The following RSRP1 variants were observed in gnomAD, a reference collection of about 807,000 sequenced individuals.
RSRP1 encodes arginine and serine rich protein 1.
A neutral mutation model predicts 33.0 loss-of-function variants in RSRP1; 37 were observed. The ratio of observed to expected loss-of-function variants is 1.12; its 90% CI spans 0.86 to 1.48. RSRP1 has a LOEUF of 1.48. RSRP1 is among the 40% of genes most tolerant of loss of function. The pLI is 0.00. For synonymous variants in RSRP1, 167 were observed against 158.7 expected, an observed-to-expected ratio of 1.05 and a Z score of -0.40; for missense variants, 402 against 385.3, an observed-to-expected ratio of 1.04 and a Z score of -0.36.
At position 25,323,376 on chromosome 1, in the gene RSRP1, CT is replaced by C. The variant is rs1233391704; in HGVS notation, c.-67+14601del. Among the ~76,000 whole-genome samples the C allele has an allele frequency of 6.6e-5, 7 of 105,872 alleles. 1 individual carries two copies. The highest frequency in any genetic ancestry group is 2.2e-4 in the African/African-American group (7 of 31,638). 69.5% of individuals were successfully genotyped at this position (105,872 alleles called of 152,430 possible). On this transcript the variant is annotated intron_variant, in intron 1 of 1. Coordinates refer to the RSRP1 transcript ENST00000561867. Reference sequence around the variant, plus strand: ...CACTTCCACACACTTCCTCCTGCTCCTTTGAAATTCCTCCCTCCCTACCCAC... The same window carrying C: ...CACTTCCACACACTTCCTCCTGCTCCTTGAAATTCCTCCCTCCCTACCCAC...
rs71014353 is a variant in RSRP1 at position 25,330,953 on chromosome 1, C to CTTTTTTTTT, written c.-67+7016_-67+7024dup. Among the ~76,000 whole-genome samples the CTTTTTTTTT allele has an allele frequency of 3.6e-3, 124 of 34,736 alleles. 8 individuals carry two copies. The highest frequency in any genetic ancestry group is 0.012 in the African/African-American group (121 of 10,258). The allele number at this position is 34,736 out of a possible 152,430, so 22.8% of individuals were successfully genotyped here. On this transcript the variant is annotated intron_variant, in intron 1 of 1. Transcript: ENST00000561867. ...CTTTTACACTTCTGGTGTCATCTTC[C>CTTTTTTTTT]TTTTTTTTTTTTTTTTTTTTTTTTT...
intron 1 of RSRP1, among the ~76,000 whole-genome samples, chr1:25,254,475 G>A (rs189845125): frequency 6.0e-5 from 9 of 149,984 alleles, no homozygotes; most frequent in Admixed American, 4.0e-4. Context: ...TCACTCTGTC[G>A]CCCCGGCTGG....
chr1:25,271,664 G>A (rs549800424), intron 1 of RSRP1, among the ~76,000 whole-genome samples: 1 of 132,658 alleles, frequency 7.5e-6, no homozygotes, highest in Non-Finnish European at 1.8e-5. Flanking sequence ...GAAGTTGGCT[G>A]CAGGGTTAGA....
rs1461981112 is a variant in RSRP1 at position 25,307,586 on chromosome 1, C to T, written c.-67+30392G>A. ...CATTATCTCCTTGAATTCTCACAAC[C>T]GCCTACTGAGGTATTCTCAGACTCT... On this transcript the variant is annotated intron_variant, in intron 1 of 1. Transcript: ENST00000561867. 24 of 730,650 alleles carry T rather than the reference C, an allele frequency of 3.3e-5. 3 individuals are homozygous for T. Among genetic ancestry groups the T allele is most frequent in the East Asian group, 1.3e-4 (5 of 38,140 alleles). 45.3% of individuals were successfully genotyped at this position (730,650 alleles called of 1,614,324 possible).
In RSRP1 at chr1:25,243,633, G is replaced by A. The variant is rs747055566; in HGVS notation, c.673C>T (p.Leu225=). ...GVSSNGAKPE[L]SEKVTEDGTR... ...CCATCTTCTGTTACCTTTTCCGACA[G>A]CTAGACAGGTTAAGAAAAAGTGTAA... Residue 225 remains leucine (L), a splice_region_variant and synonymous_variant, in exon 4 of 5, where the codon CTG becomes TTG. Transcript: ENST00000243189. 6.2e-7 allele frequency: 1 copy of A among 1,613,522 alleles called. No individual in the cohort carries two copies. Among genetic ancestry groups the A allele is most frequent in the South Asian group, 1.1e-5 (1 of 91,036 alleles).
intron 2 of RSRP1, among the ~76,000 whole-genome samples, chr1:25,245,747 T>C (rs1401593447): frequency 6.6e-6 from 1 of 152,226 alleles, no homozygotes; most frequent in Admixed American, 6.5e-5. Context: ...TTTTGTCTTT[T>C]TGTTGTACTT....
chr1:25,258,486 G>A (rs1280924436), intron 1 of RSRP1, among the ~76,000 whole-genome samples: 1 of 152,136 alleles, frequency 6.6e-6, no homozygotes, highest in Non-Finnish European at 1.5e-5. Context: ...CCGGCAACTG[G>A]TGTTCTCATG....
chr1:25,301,605 C>A lies in RSRP1; in HGVS notation c.-67+36373G>T. 1.4e-6 allele frequency: 2 copies of A among 1,380,292 alleles called. 1 individual carries two copies. The highest frequency in any genetic ancestry group is 2.0e-6 in the Non-Finnish European group (2 of 979,224). 85.5% of individuals were successfully genotyped at this position (1,380,292 alleles called of 1,614,324 possible). On this transcript the variant is annotated intron_variant, in intron 1 of 1. Transcript: ENST00000561867. Reference sequence around the variant, plus strand: ...TCGAAAGGAAGAATGCCGTGTTCAACACCTACTATGCTGTAGCAGTCAGCG... The same window carrying A: ...TCGAAAGGAAGAATGCCGTGTTCAAAACCTACTATGCTGTAGCAGTCAGCG...
Position 25,288,220 on chromosome 1 carries a change from G to A in RSRP1, c.-66-41191C>T, listed in dbSNP as rs1208407802. Among the ~76,000 whole-genome samples the A allele has an allele frequency of 3.3e-4, 43 of 130,942 alleles. 5 individuals carry two copies. Among genetic ancestry groups the A allele is most frequent in the African/African-American group, 1.1e-3 (42 of 38,406 alleles). The allele number at this position is 130,942 out of a possible 152,430, so 85.9% of individuals were successfully genotyped here. On this transcript the variant is annotated intron_variant, in intron 1 of 1. Transcript: ENST00000561867. ...TTCTGCAGAGACAGGACCTCACTGT[G>A]TTGCTCAGGCTGGTCTCAAACTCCT...
rs1426159556 is a variant in RSRP1 at position 25,296,948 on chromosome 1, G to A, written c.-67+41030C>T. On this transcript the variant is annotated intron_variant, in intron 1 of 1. Transcript: ENST00000561867. ...CTAACACAATTTCCTAAAACAAGGG[G>A]ACATTCTCTTACATAACCTTTTTTC... Among the ~76,000 whole-genome samples, 6 of 130,856 alleles carry A rather than the reference G, an allele frequency of 4.6e-5. 2 individuals carry two copies. The allele number at this position is 130,856 out of a possible 152,430, so 85.8% of individuals were successfully genotyped here. A position where few individuals can be genotyped will look rare whatever the true frequency, so the allele number is the denominator to read the frequency against.
Position 25,279,930 on chromosome 1 carries a change from T to G in RSRP1, c.-66-32901A>C, listed in dbSNP as rs1349151042. 3.1e-5 allele frequency among the ~76,000 whole-genome samples: 4 copies of G among 127,724 alleles called. No individual in the cohort carries two copies. In the East Asian group the frequency reaches 7.8e-4, roughly 25 times the overall value. The allele number at this position is 127,724 out of a possible 152,430, so 83.8% of individuals were successfully genotyped here. A position where few individuals can be genotyped will look rare whatever the true frequency, so the allele number is the denominator to read the frequency against. Reference sequence around the variant, plus strand: ...GCTGATGTGAGTGCAGAGCAGACTGTGAGAGGTGGAGGCTGATACCAGTGA... The same window carrying G: ...GCTGATGTGAGTGCAGAGCAGACTGGGAGAGGTGGAGGCTGATACCAGTGA... On this transcript the variant is annotated intron_variant, in intron 1 of 1. Transcript: ENST00000561867.
chr1:25,278,166 A>G (rs1377882455), intron 1 of RSRP1, among the ~76,000 whole-genome samples: 2 of 129,748 alleles, frequency 1.5e-5, no homozygotes, highest in Non-Finnish European at 3.6e-5. Flanking sequence ...AGAGATATTT[A>G]GGAGATAAGT....
chr1:25,299,396 A>G (rs1385286160), intron 1 of RSRP1, among the ~76,000 whole-genome samples: 1 of 130,052 alleles, frequency 7.7e-6, no homozygotes, highest in East Asian at 2.0e-4. Context: ...TAAATAAATA[A>G]ATAAATACAA....
At chr1:25,273,239 A>G (rs1640644247) in intron 1 of RSRP1, among the ~76,000 whole-genome samples, 1 of 126,562 alleles carries the variant, frequency 7.9e-6, no homozygotes, top group African/African-American at 2.7e-5. Context: ...AGTCTCAAGC[A>G]ATCTTCCCAC....
chr1:25,288,453 T>G (rs1477115821), intron 1 of RSRP1, among the ~76,000 whole-genome samples: 1 of 128,488 alleles, frequency 7.8e-6, no homozygotes, highest in Non-Finnish European at 1.8e-5. Flanking sequence ...GTGCGAAGAT[T>G]ACAGGTGTGA....
At chr1:25,303,202 G>A in intron 1 of RSRP1, 1 of 1,019,878 alleles carries the variant, frequency 9.8e-7, no homozygotes, top group South Asian at 1.3e-5. Flanking sequence ...GTGGTTTCAG[G>A]ATCAGCAAAG....
rs1643687475 is a variant in RSRP1 at position 25,305,009 on chromosome 1, A to C, written c.-67+32969T>G. ...CTTCATTCAACACATACGTTTTAAC[A>C]CTCATCTTGCTTTTCAAGCTATAGT... On this transcript the variant is annotated intron_variant, in intron 1 of 1. Transcript: ENST00000561867. Among the ~76,000 whole-genome samples, 4 of 132,492 alleles carry C rather than the reference A, an allele frequency of 3.0e-5. No homozygotes were observed. In the South Asian group the frequency reaches 9.2e-4, roughly 30 times the overall value. 86.9% of individuals were successfully genotyped at this position (132,492 alleles called of 152,430 possible). A position where few individuals can be genotyped will look rare whatever the true frequency, so the allele number is the denominator to read the frequency against.
Position 25,242,688 on chromosome 1 carries a change from T to C in RSRP1, c.774A>G (p.Pro258=). The change falls in exon 5 of 5, where the codon CCA becomes CCG. Residue 258 remains proline, a synonymous_variant. Transcript: ENST00000243189. ...TGGCAGCTTTAGCTGATTTTTGTAT[T>C]GGCTTTGCTACAGAATTCTGTAAAA... ...AFSSNNSVAK[P]IQKSAKAATE... 1 of 1,607,256 alleles carries C rather than the reference T, an allele frequency of 6.2e-7. No homozygotes were observed. The highest frequency in any genetic ancestry group is 2.2e-5 in the East Asian group (1 of 44,858).
At position 25,280,848 on chromosome 1, in the gene RSRP1, C is replaced by G. The variant is rs553073644; in HGVS notation, c.-66-33819G>C. Among the ~76,000 whole-genome samples, 45 of 131,696 alleles carry G rather than the reference C, an allele frequency of 3.4e-4. 10 individuals are homozygous for G. Among genetic ancestry groups the G allele is most frequent in the Non-Finnish European group, 6.7e-4 (37 of 55,594 alleles). 86.4% of individuals were successfully genotyped at this position (131,696 alleles called of 152,430 possible). Reference sequence around the variant, plus strand: ...CTGGTCTTGAACTCCTCAGCTCAAGCAATCCTCCCTCCTTGGCCTCCCAAA... The same window carrying G: ...CTGGTCTTGAACTCCTCAGCTCAAGGAATCCTCCCTCCTTGGCCTCCCAAA... On this transcript the variant is annotated intron_variant, in intron 1 of 1. Transcript: ENST00000561867.
Sources: allele counts gnomAD v4.1 joint callset (sites outside exome capture counted in the v4.1 genomes callset), GRCh38; gene constraint gnomAD v4.1.1; transcripts MANE v1.5; gene names NCBI Gene and HGNC (gene_info 2026-07-23, HGNC 2026-07-21).